TAFA1: variants seen among roughly 807,000 people sequenced by gnomAD.
TAFA1 encodes chemokine-like protein TAFA-1.
Under a neutral mutation model 18.5 loss-of-function variants are expected in TAFA1, and 4 were observed. The observed-to-expected ratio is 0.22, with a 90% CI of 0.11 to 0.49. The LOEUF (loss-of-function observed/expected upper bound fraction) is 0.49. Ranked by LOEUF, TAFA1 falls within the 20% of genes least tolerant of loss-of-function variation. The pLI is 0.98. For synonymous variants in TAFA1, 56 were observed against 55.2 expected (o/e 1.01, Z -0.06); for missense variants, 147 against 169.0 (o/e 0.87, Z 0.72).
At chr3:68,283,199 C>A (rs1409018217) in intron 2 of TAFA1, among the ~76,000 whole-genome samples, 3 of 152,110 alleles carry the variant, frequency 2.0e-5, no homozygotes, top group Non-Finnish European at 4.4e-5. Context: ...ATGCTTGAGG[C>A]CATTCTGCTA....
At chr3:68,142,686 T>G (rs2065682442) in intron 2 of TAFA1, among the ~76,000 whole-genome samples, 1 of 152,356 alleles carries the variant, frequency 6.6e-6, no homozygotes, top group Non-Finnish European at 1.5e-5. Context: ...ATTGTGTCTA[T>G]GATAGTGGTA....
At chr3:68,501,721 T>C (rs1912852) in intron 3 of TAFA1, among the ~76,000 whole-genome samples, 2 of 152,032 alleles carry the variant, frequency 1.3e-5, no homozygotes, top group African/African-American at 4.8e-5. Flanking sequence ...TAGGCTATTA[T>C]TTGACCATAG....
rs562013355 is a variant in TAFA1, at chr3:68,311,318, C to A, written c.119-105962C>A. Among the ~76,000 whole-genome samples the A allele has an allele frequency of 0.02, 1,158 of 57,696 alleles. 48 individuals carry two copies. In the East Asian group the frequency reaches 0.28, roughly 14 times the overall value. 37.9% of individuals were successfully genotyped at this position (57,696 alleles called of 152,430 possible). On this transcript the variant is annotated intron_variant, in intron 2 of 4. Transcript: ENST00000478136. ...GGCCTCTCTCAAATTTCATCAAAACCAATCATGCCTTCCCAACAGTCTCCG... is the reference window on the plus strand; with the variant it reads ...GGCCTCTCTCAAATTTCATCAAAACAAATCATGCCTTCCCAACAGTCTCCG...
At chr3:68,530,519 T>A (rs2073173966) in intron 3 of TAFA1, among the ~76,000 whole-genome samples, 1 of 152,160 alleles carries the variant, frequency 6.6e-6, no homozygotes, top group African/African-American at 2.4e-5. Context: ...GCATGGCAAA[T>A]TCACAGAGCA....
At chr3:68,371,884 C>T (rs943713241) in intron 2 of TAFA1, among the ~76,000 whole-genome samples, 10 of 152,160 alleles carry the variant, frequency 6.6e-5, no homozygotes, top group African/African-American at 2.4e-4. Flanking sequence ...TCAGTACCAG[C>T]TAATTGCTCC....
chr3:68,168,408 C>T (rs1025622103), intron 2 of TAFA1, among the ~76,000 whole-genome samples: 5 of 152,176 alleles, frequency 3.3e-5, no homozygotes, highest in Non-Finnish European at 5.9e-5. Context: ...TTAATTCTCC[C>T]TTGTATATTT....
intron 2 of TAFA1, among the ~76,000 whole-genome samples, chr3:68,185,751 A>G (rs1575667364): frequency 6.6e-6 from 1 of 151,976 alleles, no homozygotes; most frequent in East Asian, 1.9e-4. Context: ...CTCTACAGAA[A>G]AAATACAAAA....
rs184152632 is a variant in TAFA1 at position 68,454,124 on chromosome 3, G to A, written c.259+36704G>A. ...AAGATTCTGCAACTTCACAATGTGA[G>A]AACCTACAGTAGTTGACACAGGAAT... On this transcript the variant is annotated intron_variant, in intron 3 of 4. Transcript: ENST00000478136. Among the ~76,000 whole-genome samples, 92 of 152,292 alleles carry A rather than the reference G, an allele frequency of 6.0e-4. 1 individual carries two copies. The highest frequency in any genetic ancestry group is 1.1e-3 in the Non-Finnish European group (72 of 68,030).
At chr3:68,062,155 A>G (rs955128752) in intron 2 of TAFA1, among the ~76,000 whole-genome samples, 93 of 151,936 alleles carry the variant, frequency 6.1e-4, no homozygotes, top group African/African-American at 2.0e-3. Context: ...TGTGTAGACT[A>G]AGTAGTCTCA....
chr3:68,131,284 T>C (rs2065533391), intron 2 of TAFA1, among the ~76,000 whole-genome samples: 1 of 152,100 alleles, frequency 6.6e-6, no homozygotes, highest in Non-Finnish European at 1.5e-5. Context: ...TGTAATACCC[T>C]CTTGCCATAA....
intron 3 of TAFA1, among the ~76,000 whole-genome samples, chr3:68,460,851 T>C (rs2071763171): frequency 6.6e-6 from 1 of 152,200 alleles, no homozygotes; most frequent in South Asian, 2.1e-4. Flanking sequence ...GGGAACCCCA[T>C]TAGACTAGAA....
rs147176285 is a variant in TAFA1 at position 68,366,162 on chromosome 3, C to T, written c.119-51118C>T. On this transcript the variant is annotated intron_variant, in intron 2 of 4. Transcript: ENST00000478136. Reference sequence around the variant, plus strand: ...ACCATGAAAACCATATTGGGGAAACCGCCCCCATGATTCAGTTATCTCCCA... The same window carrying T: ...ACCATGAAAACCATATTGGGGAAACTGCCCCCATGATTCAGTTATCTCCCA... 5.8e-4 allele frequency among the ~76,000 whole-genome samples: 88 copies of T among 151,348 alleles called. 1 individual carries two copies. The East Asian group carries it at 8.4e-3, about 14-fold the overall frequency.
chr3:68,017,116 C>T (rs1028433534), intron 2 of TAFA1, among the ~76,000 whole-genome samples: 17 of 152,094 alleles, frequency 1.1e-4, no homozygotes, highest in Admixed American at 7.2e-4. Context: ...ATAAATAAAT[C>T]AATAAATCCC....
At chr3:68,440,784 G>T (rs1044836405) in intron 3 of TAFA1, among the ~76,000 whole-genome samples, 13 of 152,096 alleles carry the variant, frequency 8.5e-5, no homozygotes, top group African/African-American at 3.1e-4. Context: ...TACCTCCATT[G>T]TGGAATAGTA....
At chr3:68,529,667 G>A (rs1160377473) in intron 3 of TAFA1, among the ~76,000 whole-genome samples, 4 of 152,136 alleles carry the variant, frequency 2.6e-5, no homozygotes, top group African/African-American at 9.7e-5. Context: ...AGAAGGTGAA[G>A]GGGAGCTGTG....
chr3:68,426,715 A>G (rs1422811298), intron 3 of TAFA1, among the ~76,000 whole-genome samples: 1 of 151,942 alleles, frequency 6.6e-6, no homozygotes, highest in East Asian at 1.9e-4. Flanking sequence ...TTCACCAACA[A>G]AGAAGATGAT....
Position 68,293,094 on chromosome 3 carries a change from A to G in TAFA1, c.119-124186A>G, listed in dbSNP as rs112133575. Among the ~76,000 whole-genome samples the G allele has an allele frequency of 6.1e-3, 935 of 152,340 alleles. 16 individuals are homozygous for G. Among genetic ancestry groups the G allele is most frequent in the African/African-American group, 0.02 (847 of 41,576 alleles). ...CTAACAGCTACAACCTTCTAGCTGA[A>G]AAGTTCACTGGGAGATTTACCTCTG... On this transcript the variant is annotated intron_variant, in intron 2 of 4. Coordinates refer to ENST00000478136, the MANE Select transcript of TAFA1 (RefSeq NM_213609.4).
At chr3:68,212,832 T>A (rs937960366) in intron 2 of TAFA1, among the ~76,000 whole-genome samples, 2 of 152,004 alleles carry the variant, frequency 1.3e-5, no homozygotes, top group African/African-American at 4.8e-5. Flanking sequence ...CCATGTGCGA[T>A]CTTTACTTGG....
At chr3:68,020,560 A>G (rs555506449) in intron 2 of TAFA1, among the ~76,000 whole-genome samples, 1 of 152,132 alleles carries the variant, frequency 6.6e-6, no homozygotes, top group South Asian at 2.1e-4. Context: ...TTATGTAAAT[A>G]TGTGAATGTC....
Sources: allele counts gnomAD v4.1 joint callset (sites outside exome capture counted in the v4.1 genomes callset), GRCh38; gene constraint gnomAD v4.1.1; transcripts MANE v1.5; gene names NCBI Gene and HGNC (gene_info 2026-07-23, HGNC 2026-07-21).